Variants in RASSF3 observed in about 807,000 individuals in gnomAD.
RASSF3 encodes ras association domain-containing protein 3.
Under a neutral mutation model 19.9 loss-of-function variants are expected in RASSF3, and 19 were observed. That is an observed-to-expected ratio of 0.96 (90% CI 0.67 to 1.40). RASSF3 has a LOEUF of 1.40. Among genes scored for constraint, RASSF3 ranks in the 40% most tolerant of loss-of-function variants. The pLI is 0.00. For synonymous variants in RASSF3, 110 were observed against 104.2 expected, an observed-to-expected ratio of 1.06 and a Z score of -0.34; for missense variants, 306 against 289.8, an observed-to-expected ratio of 1.06 and a Z score of -0.41.
intron 2 of RASSF3, among the ~76,000 whole-genome samples, chr12:64,685,242 G>T (rs913438095): frequency 6.6e-6 from 1 of 151,998 alleles, no homozygotes; most frequent in East Asian, 1.9e-4. Context: ...CTCAGGTAAG[G>T]TTTTTTGTTT....
rs1367338851 is a variant in RASSF3, at chr12:64,697,419, A to C, written c.*2507A>C. 6.6e-6 allele frequency: 1 copy of C among 152,210 alleles called. No homozygotes were observed. The highest frequency in any genetic ancestry group is 1.5e-5 in the Non-Finnish European group (1 of 68,036). 9.4% of individuals were successfully genotyped at this position (152,210 alleles called of 1,614,324 possible). On this transcript the variant is annotated 3_prime_UTR_variant, in exon 5 of 5. Coordinates refer to ENST00000542104, the MANE Select transcript of RASSF3 (RefSeq NM_178169.4). ...TTAAATGAAGGGGTGGTATTGCAGGAGAGCATTTTAAATGGCAGAAGTAAA... is the reference window on the plus strand; with the variant it reads ...TTAAATGAAGGGGTGGTATTGCAGGCGAGCATTTTAAATGGCAGAAGTAAA...
At chr12:64,600,033 C>CAA (rs34515445) in intron 2 of RASSF3, among the ~76,000 whole-genome samples, 1,197 of 63,480 alleles carry the variant, frequency 0.019, 72 homozygotes, top group African/African-American at 0.059. Flanking sequence ...GACTCCATCT[C>CAA]AAAAAAAAAA....
rs1391993581 is a variant in RASSF3 at position 64,675,048 on chromosome 12, C to A, written c.112-9739C>A. 7.1e-5 allele frequency among the ~76,000 whole-genome samples: 8 copies of A among 112,770 alleles called. 2 individuals carry two copies. The highest frequency in any genetic ancestry group is 1.1e-4 in the African/African-American group (3 of 27,820). 74.0% of individuals were successfully genotyped at this position (112,770 alleles called of 152,430 possible). A position where few individuals can be genotyped will look rare whatever the true frequency, so the allele number is the denominator to read the frequency against. On this transcript the variant is annotated intron_variant, in intron 1 of 4. Coordinates refer to ENST00000542104, the MANE Select transcript of RASSF3 (RefSeq NM_178169.4). ...AGTTGTCTAAAATACCCACCTAGCCCCCCCCCCCCCCGCCACCCCGGCTTC... is the reference window on the plus strand; with the variant it reads ...AGTTGTCTAAAATACCCACCTAGCCACCCCCCCCCCCGCCACCCCGGCTTC...
Position 64,695,161 on chromosome 12 carries a change from A to T in RASSF3, c.*249A>T, listed in dbSNP as rs1420936735. The T allele has an allele frequency of 4.9e-6, 2 of 404,546 alleles. No individual in the cohort carries two copies. The highest frequency in any genetic ancestry group is 8.9e-6 in the Non-Finnish European group (2 of 224,238). The allele number at this position is 404,546 out of a possible 1,614,324, so 25.1% of individuals were successfully genotyped here. A position where few individuals can be genotyped will look rare whatever the true frequency, so the allele number is the denominator to read the frequency against. On this transcript the variant is annotated 3_prime_UTR_variant, in exon 5 of 5. Transcript: ENST00000542104. The stretch of plus-strand genomic sequence containing the variant: ...TGGCAAGCTGTGAACCTGTCGCCTC[A>T]TCAGGAGCATTCGAGGGTGCTTGGA...
intron 1 of RASSF3, among the ~76,000 whole-genome samples, chr12:64,632,513 G>A (rs1871200748): frequency 6.6e-6 from 1 of 152,118 alleles, no homozygotes; most frequent in South Asian, 2.1e-4. Flanking sequence ...AGTTGCAGTG[G>A]GAGAGAGAAG....
At chr12:64,575,994 A>G (rs1356432826) in intron 2 of RASSF3, among the ~76,000 whole-genome samples, 1 of 151,722 alleles carries the variant, frequency 6.6e-6, no homozygotes, top group Non-Finnish European at 1.5e-5. Context: ...GGTTCAAGCA[A>G]TTCTCCTACC....
intron 1 of RASSF3, among the ~76,000 whole-genome samples, chr12:64,639,067 G>T (rs781545705): frequency 6.6e-6 from 1 of 152,210 alleles, no homozygotes; most frequent in South Asian, 2.1e-4. Context: ...ATAGGCTACT[G>T]CCATACGCAG....
chr12:64,680,610 GT>G (rs905562206), intron 1 of RASSF3, among the ~76,000 whole-genome samples: 7 of 150,356 alleles, frequency 4.7e-5, no homozygotes, highest in East Asian at 2.0e-4. Context: ...GCTGATCTTT[GT>G]TTTTTTTTGT....
intron 2 of RASSF3, among the ~76,000 whole-genome samples, chr12:64,685,197 A>T (rs1873299902): frequency 6.6e-6 from 1 of 152,182 alleles, no homozygotes; most frequent in Admixed American, 6.5e-5. Flanking sequence ...TCATTGCCTA[A>T]CATACAGAAA....
chr12:64,641,400 G>GCACACACACACACACACACA (rs530475322), intron 1 of RASSF3, among the ~76,000 whole-genome samples: 6,462 of 106,758 alleles, frequency 0.061, 168 homozygotes, highest in Non-Finnish European at 0.096. Flanking sequence ...TGTCTCACAG[G>GCACACACACACACACACACA]CGCACACACA....
intron 1 of RASSF3, among the ~76,000 whole-genome samples, chr12:64,624,221 C>T (rs895391748): frequency 1.3e-5 from 2 of 151,866 alleles, no homozygotes; most frequent in African/African-American, 4.9e-5. Flanking sequence ...GGAGGAAGCT[C>T]TGTTACAGTT....
At chr12:64,621,564 G>A (rs1368010485) in intron 1 of RASSF3, among the ~76,000 whole-genome samples, 1 of 152,112 alleles carries the variant, frequency 6.6e-6, no homozygotes, top group Admixed American at 6.5e-5. Context: ...TGCAACCTCC[G>A]CCTCCCAGGT....
chr12:64,602,956 G>A (rs1870120679), intron 2 of RASSF3, among the ~76,000 whole-genome samples: 1 of 152,090 alleles, frequency 6.6e-6, no homozygotes, highest in African/African-American at 2.4e-5. Flanking sequence ...AAAATTAGCT[G>A]GGCGTGGTGG....
At chr12:64,658,530 A>G (rs1306774829) in intron 1 of RASSF3, among the ~76,000 whole-genome samples, 2 of 152,194 alleles carry the variant, frequency 1.3e-5, no homozygotes, top group African/African-American at 4.8e-5. Flanking sequence ...CGGCAGGCAC[A>G]GTGGCTCATG....
At chr12:64,608,717 C>T (rs146430180), upstream of RASSF3, among the ~76,000 whole-genome samples, 2,456 of 152,356 alleles carry the variant, frequency 0.016, 164 homozygotes, top group Admixed American at 0.12. Flanking sequence ...TTAACCTACA[C>T]ATTATTCTTA....
chr12:64,539,978 CAT>C (rs1217145751), intron 1 of RASSF3, among the ~76,000 whole-genome samples: 1 of 152,134 alleles, frequency 6.6e-6, no homozygotes, highest in Non-Finnish European at 1.5e-5. Flanking sequence ...TCCCATCACT[CAT>C]AGCCCATAGA....
At chr12:64,546,528 C>T (rs74379197), downstream of RASSF3, among the ~76,000 whole-genome samples, 2 of 152,202 alleles carry the variant, frequency 1.3e-5, no homozygotes, top group Non-Finnish European at 2.9e-5. Context: ...CCTAGGCCCC[C>T]CAAAGTGCTG....
intron 1 of RASSF3, among the ~76,000 whole-genome samples, chr12:64,642,819 G>A (rs1871590503): frequency 6.6e-6 from 1 of 150,886 alleles, no homozygotes; most frequent in Non-Finnish European, 1.5e-5. Flanking sequence ...TCTGATAGTT[G>A]TGCTGCCACT....
At chr12:64,631,074 G>A (rs1871152986) in intron 1 of RASSF3, among the ~76,000 whole-genome samples, 4 of 152,168 alleles carry the variant, frequency 2.6e-5, no homozygotes, top group South Asian at 2.1e-4. Context: ...GATGAACTAT[G>A]TGTGTAAAGC....
Sources: allele counts gnomAD v4.1 joint callset (sites outside exome capture counted in the v4.1 genomes callset), GRCh38; gene constraint gnomAD v4.1.1; transcripts MANE v1.5; gene names NCBI Gene and HGNC (gene_info 2026-07-23, HGNC 2026-07-21).